Variants in GPD1 observed in about 807,000 individuals in gnomAD.
The protein encoded by GPD1 is glycerol-3-phosphate dehydrogenase 1.
A neutral mutation model predicts 34.4 loss-of-function variants in GPD1; 19 were observed. The ratio of observed to expected loss-of-function variants is 0.55; its 90% CI spans 0.39 to 0.81. The LOEUF is 0.81. GPD1 is among the 30% of genes least tolerant of loss of function. The pLI is 0.00. For missense variants in GPD1, 429 were observed against 447.0 expected (o/e 0.96, Z 0.36); for synonymous variants, 172 against 174.1 (o/e 0.99, Z 0.09).
chr12:50,108,980 C>T (rs1012076075), intron 7 of GPD1, among the ~76,000 whole-genome samples: 2 of 151,818 alleles, frequency 1.3e-5, no homozygotes, highest in Non-Finnish European at 2.9e-5. Context: ...ACTAAAAATA[C>T]AAAAATTAGT....
Position 50,108,041 on chromosome 12 carries a change from GAA to G in GPD1, c.866_867del (p.Lys289ArgfsTer48), listed in dbSNP as rs746781699. 6.2e-6 allele frequency: 10 copies of G among 1,611,120 alleles called. No individual in the cohort carries two copies. Among genetic ancestry groups the G allele is most frequent in the Non-Finnish European group, 7.6e-6 (9 of 1,177,712 alleles). The stretch of plus-strand genomic sequence containing the variant: ...CTGCACAGTCCATTGAGCAGCTGGA[GAA>G]AGAGTTGCTGAATGGGCAGAAACTG... ...RTGKSIEQLEKELLNGQKLQG... is the reference protein window; with the variant it reads ...RTGKSIEQLEXELLNGQKLQG... On this transcript the variant is annotated frameshift_variant, in exon 7 of 8. Coordinates refer to ENST00000301149, the MANE Select transcript of GPD1 (RefSeq NM_005276.4). LOFTEE classifies it high-confidence loss of function.
chr12:50,107,714 G>A lies in GPD1; in HGVS notation c.760G>A (p.Glu254Lys), dbSNP rs1158808100. 1.6e-5 allele frequency: 26 copies of A among 1,614,000 alleles called. No individual in the cohort carries two copies. Among genetic ancestry groups the A allele is most frequent in the Non-Finnish European group, 2.0e-5 (24 of 1,180,000 alleles). Reference sequence around the variant, plus strand: ...CCCTGTGTCCTCTGCCACCTTCTTGGAGAGCTGTGGTGTTGCTGACCTGAT... The same window carrying A: ...CCCTGTGTCCTCTGCCACCTTCTTGAAGAGCTGTGGTGTTGCTGACCTGAT... Reference protein sequence around the residue: ...SGPVSSATFLESCGVADLITT... With the variant: ...SGPVSSATFLKSCGVADLITT... Residue 254 changes from glutamate to lysine, a missense_variant, in exon 6 of 8, where the codon GAG becomes AAG. Transcript: ENST00000301149.
rs34423210 is a variant in GPD1, at chr12:50,104,737, T to C, written c.205T>C (p.Leu69=). ...TGTCAAATACCTGCCAGGGCACAAG[T>C]TGCCCCCAAATGTGGTGAGCCCCAA... ...ENVKYLPGHK[L]PPNVVAVPDV... The change falls in exon 2 of 8, where the codon TTG becomes CTG. Residue 69 remains leucine (L), a synonymous_variant. Transcript: ENST00000301149. 1.0e-4 allele frequency: 166 copies of C among 1,613,958 alleles called. No individual in the cohort carries two copies. In the African/African-American group the frequency reaches 1.9e-3, roughly 19 times the overall value.
chr12:50,105,854 TG>T (rs1170748614), intron 3 of GPD1, 166 bp downstream of exon 3: 1 of 744,974 alleles, frequency 1.3e-6, no homozygotes, highest in Admixed American at 2.0e-5. Flanking sequence ...AGTGAGGTGC[TG>T]GGGGTCACTG....
At chr12:50,107,396 G>A (rs1274521897) in intron 5 of GPD1, 171 bp from the exon 6 acceptor site, 2 of 720,664 alleles carry the variant, frequency 2.8e-6, no homozygotes, top group Non-Finnish European at 5.1e-6. Context: ...GCTTAAGAAA[G>A]GGGGTGCAGC....
chr12:50,105,932 A>C lies in GPD1; in HGVS notation c.360+244A>C, dbSNP rs1186856784. The C allele has an allele frequency of 4.4e-6, 3 of 687,488 alleles. No individual in the cohort carries two copies. The Admixed American group carries it at 6.1e-5, about 14-fold the overall frequency. The allele number at this position is 687,488 out of a possible 1,614,324, so 42.6% of individuals were successfully genotyped here. On this transcript the variant is annotated intron_variant, in intron 3 of 7. Coordinates refer to ENST00000301149, the MANE Select transcript of GPD1 (RefSeq NM_005276.4). ...CCTCTCGGGGAGTTTCGGAGGTATA[A>C]AGGAATGCCTGGGAGATATGAGAAG...
intron 1 of GPD1, 27 bp downstream of exon 1, chr12:50,104,118 G>T: frequency 6.2e-7 from 1 of 1,609,068 alleles, no homozygotes; most frequent in Non-Finnish European, 8.5e-7. Context: ...AGTGATATGG[G>T]GGAAGGGTAG....
rs1950990915 is a variant in GPD1 at position 50,107,651 on chromosome 12, A to C, written c.697A>C (p.Met233Leu). 1 of 1,613,980 alleles carries C rather than the reference A, an allele frequency of 6.2e-7. No homozygotes were observed. Among genetic ancestry groups the C allele is most frequent in the Non-Finnish European group, 8.5e-7 (1 of 1,179,980 alleles). The part of the protein sequence containing the change: ...TKAAVIRLGL[M>L]EMIAFAKLFC... ...GGCGGCAGTGATCCGGCTGGGACTC[A>C]TGGAGATGATAGCCTTCGCCAAGCT... The change falls in exon 6 of 8, where the codon ATG becomes CTG. Residue 233 changes from methionine to leucine, a missense_variant. By Grantham distance (15) the Met-to-Leu change is conservative (BLOSUM62 2). Coordinates refer to ENST00000301149, the MANE Select transcript of GPD1 (RefSeq NM_005276.4).
chr12:50,108,064 A>C lies in GPD1; in HGVS notation c.887A>C (p.Lys296Thr). The C allele has an allele frequency of 1.2e-6, 2 of 1,613,464 alleles. No individual in the cohort carries two copies. Among genetic ancestry groups the C allele is most frequent in the Non-Finnish European group, 1.7e-6 (2 of 1,179,648 alleles). ...QLEKELLNGQ[K>T]LQGPETAREL... ...GAGAAAGAGTTGCTGAATGGGCAGA[A>C]ACTGCAGGGGCCCGAGACAGCCCGG... The change falls in exon 7 of 8, where the codon AAA becomes ACA. Residue 296 changes from lysine to threonine, a missense_variant. Transcript: ENST00000301149.
chr12:50,105,778 C>A, intron 3 of GPD1, 90 bp downstream of exon 3: 1 of 1,302,934 alleles, frequency 7.7e-7, no homozygotes, highest in Non-Finnish European at 1.1e-6. Context: ...CAGAAAATGG[C>A]AGACGCAGGC....
rs1277947004 is a variant in GPD1 at position 50,108,017 on chromosome 12, T to C, written c.847-7T>C. The C allele has an allele frequency of 2.5e-6, 4 of 1,589,352 alleles. No homozygotes were observed. In the Admixed American group the frequency reaches 6.7e-5, roughly 27 times the overall value. ...ATTTCCATCCACTCATCCTGTTTTC[T>C]GCACAGTCCATTGAGCAGCTGGAGA... On this transcript the variant is annotated splice_polypyrimidine_tract_variant and splice_region_variant and intron_variant, in intron 6 of 7. Coordinates refer to ENST00000301149, the MANE Select transcript of GPD1 (RefSeq NM_005276.4).
intron 5 of GPD1, 60 bp from the exon 6 acceptor site, chr12:50,107,507 G>T (rs1950989221): frequency 2.5e-6 from 3 of 1,214,636 alleles, no homozygotes; most frequent in African/African-American, 1.5e-5. Flanking sequence ...GTATGAGGGG[G>T]CTCCACATGG....
In GPD1 at chr12:50,104,766, C is replaced by T; in HGVS notation, c.219+15C>T. Reference sequence around the variant, plus strand: ...CCCCAAATGTGGTGAGCCCCAACACCCTGCGAAGAACAGGGAGAGGAAGGG... The same window carrying T: ...CCCCAAATGTGGTGAGCCCCAACACTCTGCGAAGAACAGGGAGAGGAAGGG... On this transcript the variant is annotated intron_variant, in intron 2 of 7. Coordinates refer to ENST00000301149, the MANE Select transcript of GPD1 (RefSeq NM_005276.4). 1.2e-6 allele frequency: 2 copies of T among 1,608,588 alleles called. No homozygotes were observed. The highest frequency in any genetic ancestry group is 1.1e-5 in the South Asian group (1 of 90,744).
intron 7 of GPD1, among the ~76,000 whole-genome samples, chr12:50,109,193 A>C (rs538584965): frequency 6.6e-5 from 10 of 151,294 alleles, no homozygotes; most frequent in African/African-American, 1.9e-4. Flanking sequence ...AATCCAAGCC[A>C]GAGAATCATG....
chr12:50,106,544 T>G, intron 4 of GPD1, 118 bp downstream of exon 4: 1 of 1,035,452 alleles, frequency 9.7e-7, no homozygotes. Context: ...AATACAAGCA[T>G]CAGAGGTGAA....
chr12:50,104,619 G>A lies in GPD1; in HGVS notation c.87G>A (p.Leu29=). The change falls in exon 2 of 8, where the codon CTG becomes CTA. Residue 29 remains leucine (L), a synonymous_variant. Coordinates refer to ENST00000301149, the MANE Select transcript of GPD1 (RefSeq NM_005276.4). ...TCGTGGGTGGCAATGCAGCCCAGCT[G>A]GCACAGTTTGACCCACGGGTGACCA... ...AKIVGGNAAQ[L]AQFDPRVTMW... The A allele has an allele frequency of 6.2e-7, 1 of 1,613,938 alleles. No individual in the cohort carries two copies. The highest frequency in any genetic ancestry group is 1.1e-5 in the South Asian group (1 of 91,082).
intron 4 of GPD1, among the ~76,000 whole-genome samples, 157 bp downstream of exon 4, chr12:50,106,583 C>T (rs1950980433): frequency 6.6e-6 from 1 of 152,092 alleles, no homozygotes; most frequent in Non-Finnish European, 1.5e-5. Flanking sequence ...AGGGAAGGGG[C>T]TTCAGGGCCT....
intron 5 of GPD1, 128 bp downstream of exon 5, chr12:50,107,045 C>T (rs1216552167): frequency 2.8e-6 from 2 of 718,716 alleles, no homozygotes; most frequent in Non-Finnish European, 2.6e-6. Context: ...CCTACCATGT[C>T]CCATGCATAT....
rs778717350 is a variant in GPD1, at chr12:50,104,729, G to C, written c.197G>C (p.Gly66Ala). The C allele has an allele frequency of 1.9e-6, 3 of 1,614,030 alleles. No individual in the cohort carries two copies. The highest frequency in any genetic ancestry group is 2.5e-6 in the Non-Finnish European group (3 of 1,179,932). ...TQHENVKYLPGHKLPPNVVAV... is the reference protein window; with the variant it reads ...TQHENVKYLPAHKLPPNVVAV... The stretch of plus-strand genomic sequence containing the variant: ...CATGAGAATGTCAAATACCTGCCAG[G>C]GCACAAGTTGCCCCCAAATGTGGTG... The change falls in exon 2 of 8, where the codon GGG (glycine) becomes GCG (alanine). Residue 66 changes from glycine to alanine, a missense_variant. Coordinates refer to ENST00000301149, the MANE Select transcript of GPD1 (RefSeq NM_005276.4).
Sources: allele counts gnomAD v4.1 joint callset (sites outside exome capture counted in the v4.1 genomes callset), GRCh38; gene constraint gnomAD v4.1.1; transcripts MANE v1.5; gene names NCBI Gene and HGNC (gene_info 2026-07-23, HGNC 2026-07-21).